The following NAV3 variants were observed in gnomAD, a reference collection of about 807,000 sequenced individuals.
NAV3 encodes pore membrane and/or filament interacting like protein 1.
A neutral mutation model predicts 244.7 loss-of-function variants in NAV3; 87 were observed. The observed-to-expected ratio is 0.36, with a 90% CI of 0.30 to 0.42. NAV3 has a LOEUF of 0.42. NAV3 is among the 20% of genes least tolerant of loss of function. The pLI is 1.00. For missense variants in NAV3, 2,663 were observed against 2,893.3 expected (o/e 0.92, Z 1.83); for synonymous variants, 1,126 against 1,042.2 (o/e 1.08, Z -1.55).
At chr12:78,027,238 C>T (rs1306979891) in intron 9 of NAV3, among the ~76,000 whole-genome samples, 1 of 151,658 alleles carries the variant, frequency 6.6e-6, no homozygotes, top group Non-Finnish European at 1.5e-5. Flanking sequence ...GAGTTCAAGA[C>T]CAGCCTGGAC....
intron 2 of NAV3, among the ~76,000 whole-genome samples, chr12:77,797,387 A>C: frequency 6.6e-6 from 1 of 151,918 alleles, no homozygotes; most frequent in East Asian, 1.9e-4. Context: ...CTTTCAATAT[A>C]TTCATTATGT....
At chr12:78,074,751 A>G (rs144420325) in intron 12 of NAV3, among the ~76,000 whole-genome samples, 1 of 152,276 alleles carries the variant, frequency 6.6e-6, no homozygotes, top group East Asian at 1.9e-4. Flanking sequence ...GCAAGACAGA[A>G]TTAGTATTCC....
intron 2 of NAV3, among the ~76,000 whole-genome samples, chr12:77,602,958 A>G (rs1210560581): frequency 6.6e-6 from 1 of 152,056 alleles, no homozygotes; most frequent in African/African-American, 2.4e-5. Context: ...ACTCTCCCTC[A>G]GTTTCTTGCT....
chr12:77,690,675 G>C lies in NAV3; in HGVS notation c.72+118409G>C, dbSNP rs138864395. Among the ~76,000 whole-genome samples, 88 of 25,534 alleles carry C rather than the reference G, an allele frequency of 3.4e-3. 1 individual carries two copies. Among genetic ancestry groups the C allele is most frequent in the African/African-American group, 0.012 (79 of 6,656 alleles). The allele number at this position is 25,534 out of a possible 152,430, so 16.8% of individuals were successfully genotyped here. ...ATAGGAAGTTATTAATGATTTTCTA[G>C]AGCCTCAGTTTTCTCCTCCATTAAA... On this transcript the variant is annotated intron_variant, in intron 2 of 8. Coordinates refer to the NAV3 transcript ENST00000550042.
chr12:77,902,749 G>A (rs531789414), intron 1 of NAV3, among the ~76,000 whole-genome samples: 4 of 152,142 alleles, frequency 2.6e-5, no homozygotes, highest in African/African-American at 7.2e-5. Context: ...AAACCCCATC[G>A]TCTCAGCCCA....
intron 20 of NAV3, among the ~76,000 whole-genome samples, chr12:78,146,047 T>C (rs1349441291): frequency 1.3e-5 from 2 of 152,154 alleles, no homozygotes; most frequent in Admixed American, 6.6e-5. Context: ...TTTTAGAGTA[T>C]AATTTTATAA....
Position 77,822,093 on chromosome 12 carries a change from A to G in NAV3, c.73-118226A>G, listed in dbSNP as rs147338205. Among the ~76,000 whole-genome samples the G allele has an allele frequency of 4.6e-5, 7 of 152,224 alleles. No homozygotes were observed. In the East Asian group the frequency reaches 1.4e-3, roughly 29 times the overall value. ...ATGCAATGCCATTCCAAAGCTGACTACATTTGCTTTTCATTATACTTTATG... is the reference window on the plus strand; with the variant it reads ...ATGCAATGCCATTCCAAAGCTGACTGCATTTGCTTTTCATTATACTTTATG... On this transcript the variant is annotated intron_variant, in intron 2 of 8. Transcript: ENST00000550042.
intron 30 of NAV3, among the ~76,000 whole-genome samples, chr12:78,181,536 C>T (rs961530818): frequency 5.3e-5 from 8 of 151,978 alleles, no homozygotes; most frequent in African/African-American, 1.9e-4. Context: ...GAACACAGTA[C>T]TAGTGATGGA....
chr12:77,735,626 G>A (rs1040559747), intron 2 of NAV3, among the ~76,000 whole-genome samples: 7 of 151,794 alleles, frequency 4.6e-5, no homozygotes, highest in Admixed American at 2.6e-4. Flanking sequence ...TGCATTATTA[G>A]ATATTATTTT....
At chr12:78,140,775 G>A (rs1053083904) in intron 20 of NAV3, among the ~76,000 whole-genome samples, 4 of 151,668 alleles carry the variant, frequency 2.6e-5, no homozygotes, top group South Asian at 2.1e-4. Flanking sequence ...ATTATCGAAG[G>A]GTAAAAGCAG....
intron 34 of NAV3, among the ~76,000 whole-genome samples, chr12:78,194,945 A>C (rs573444518): frequency 6.6e-6 from 1 of 152,214 alleles, no homozygotes; most frequent in African/African-American, 2.4e-5. Flanking sequence ...TACTATAAAC[A>C]AAATCTTTGA....
intron 1 of NAV3, among the ~76,000 whole-genome samples, chr12:77,881,444 C>T (rs1882634746): frequency 6.6e-6 from 1 of 152,116 alleles, no homozygotes; most frequent in African/African-American, 2.4e-5. Flanking sequence ...CAACCTTTTA[C>T]AGCTTTCCCA....
At chr12:77,930,928 C>T (rs1392781115) in intron 1 of NAV3, among the ~76,000 whole-genome samples, 1 of 152,036 alleles carries the variant, frequency 6.6e-6, no homozygotes, top group Non-Finnish European at 1.5e-5. Flanking sequence ...AATTTCTGAT[C>T]CTTTGAAGGT....
intron 2 of NAV3, among the ~76,000 whole-genome samples, chr12:77,627,959 A>G (rs1276757577): frequency 6.6e-6 from 1 of 152,214 alleles, no homozygotes; most frequent in African/African-American, 2.4e-5. Context: ...GAAGGAGCTT[A>G]GAAAGTTGAT....
At chr12:77,631,214 T>C (rs1368163577) in intron 2 of NAV3, among the ~76,000 whole-genome samples, 1 of 152,156 alleles carries the variant, frequency 6.6e-6, no homozygotes, top group Non-Finnish European at 1.5e-5. Flanking sequence ...AATTTCTAAA[T>C]GGCCTACTGA....
intron 2 of NAV3, among the ~76,000 whole-genome samples, chr12:77,578,902 TAA>T (rs34323694): frequency 1.4e-5 from 2 of 146,370 alleles, no homozygotes; most frequent in African/African-American, 2.5e-5. Flanking sequence ...TTCTATTCGT[TAA>T]AAAAAAAAAA....
At chr12:77,966,355 T>A in intron 4 of NAV3, 54 bp downstream of exon 4, 1 of 1,425,208 alleles carries the variant, frequency 7.0e-7, no homozygotes, top group Non-Finnish European at 9.8e-7. Context: ...TTTTAAATTA[T>A]TTTTTATAAT....
At chr12:77,799,649 A>AT (rs1167049037) in intron 2 of NAV3, among the ~76,000 whole-genome samples, 1 of 151,986 alleles carries the variant, frequency 6.6e-6, no homozygotes, top group Non-Finnish European at 1.5e-5. Flanking sequence ...TAGCCCTTTT[A>AT]TTTTTTAAAT....
At position 78,148,952 on chromosome 12, in the gene NAV3, C is replaced by T. The variant is rs370780951; in HGVS notation, c.4785+33C>T. 2,369 of 1,528,658 alleles carry T rather than the reference C, an allele frequency of 1.5e-3. 3 individuals are homozygous for T. The highest frequency in any genetic ancestry group is 1.9e-3 in the Non-Finnish European group (2,089 of 1,113,464). 94.7% of individuals were successfully genotyped at this position (1,528,658 alleles called of 1,614,324 possible). Reference sequence around the variant, plus strand: ...ACTTCATTTTTAAAATATATTACAACAAATTTTTATAGAGGAAAATGAAAT... The same window carrying T: ...ACTTCATTTTTAAAATATATTACAATAAATTTTTATAGAGGAAAATGAAAT... On this transcript the variant is annotated intron_variant, in intron 22 of 39. Transcript: ENST00000397909.
Sources: allele counts gnomAD v4.1 joint callset (sites outside exome capture counted in the v4.1 genomes callset), GRCh38; gene constraint gnomAD v4.1.1; transcripts MANE v1.5; gene names NCBI Gene and HGNC (gene_info 2026-07-23, HGNC 2026-07-21).